SAMD11: variants seen among roughly 807,000 people sequenced by gnomAD.
The protein encoded by SAMD11 is sterile alpha motif domain-containing protein 11.
SAMD11 carries 77 observed loss-of-function variants against 64.4 expected under a neutral mutation model. The observed-to-expected ratio is 1.20, with a 90% CI of 0.99 to 1.44. SAMD11 has a LOEUF of 1.44. Among genes scored for constraint, SAMD11 ranks in the 40% most tolerant of loss-of-function variants. SAMD11 has a pLI of 0.00. For missense variants in SAMD11, 1,402 were observed against 943.3 expected (o/e 1.49, Z -6.37); for synonymous variants, 658 against 421.9 (o/e 1.56, Z -6.86).
At chr1:931,224 C>G in intron 4 of SAMD11, 135 bp downstream of exon 4, 1 of 856,464 alleles carries the variant, frequency 1.2e-6, no homozygotes, top group Non-Finnish European at 1.9e-6. Flanking sequence ...GAGTGTCTGC[C>G]AGGTTTGACA....
Position 944,505 on chromosome 1 carries a change from C to T in SAMD11, c.*352C>T, listed in dbSNP as rs536992898. The T allele has an allele frequency of 2.7e-5, 17 of 639,486 alleles. No individual in the cohort carries two copies. The highest frequency in any genetic ancestry group is 2.1e-4 in the East Asian group (7 of 33,152). The allele number at this position is 639,486 out of a possible 1,614,324, so 39.6% of individuals were successfully genotyped here. A position where few individuals can be genotyped will look rare whatever the true frequency, so the allele number is the denominator to read the frequency against. On this transcript the variant is annotated 3_prime_UTR_variant, in exon 14 of 14. Transcript: ENST00000616016. Reference sequence around the variant, plus strand: ...CACAGCTGTGGGGCTTCAGCAGCCACACCAGCCCAGCCCAGCCCAGCTCTC... The same window carrying T: ...CACAGCTGTGGGGCTTCAGCAGCCATACCAGCCCAGCCCAGCCCAGCTCTC...
At chr1:939,230 C>T (rs755323494) in intron 6 of SAMD11, 45 bp from the exon 7 acceptor site, 54 of 1,557,946 alleles carry the variant, frequency 3.5e-5, no homozygotes, top group South Asian at 2.5e-4. Context: ...GCGTGGTCCT[C>T]GGCAGTGCCT....
chr1:941,311 T>G lies in SAMD11; in HGVS notation c.1358+5T>G. The G allele has an allele frequency of 6.4e-7, 1 of 1,556,506 alleles. No homozygotes were observed. Among genetic ancestry groups the G allele is most frequent in the Non-Finnish European group, 8.7e-7 (1 of 1,151,578 alleles). The stretch of plus-strand genomic sequence containing the variant: ...CGCCCCGTCCTTCTCGGAGAGGTAC[T>G]GGGGTGGCTGCCGTTCTCTGCTTGT... On this transcript the variant is annotated splice_donor_5th_base_variant and intron_variant, in intron 8 of 13. Coordinates refer to ENST00000616016, the MANE Select transcript of SAMD11 (RefSeq NM_001385641.1).
At position 943,268 on chromosome 1, in the gene SAMD11, T is replaced by C. The variant is rs1016563542; in HGVS notation, c.2069T>C (p.Leu690Pro). 6.2e-7 allele frequency: 1 copy of C among 1,612,632 alleles called. No individual in the cohort carries two copies. The highest frequency in any genetic ancestry group is 1.7e-5 in the Admixed American group (1 of 59,958). Reference protein sequence around the residue: ...PYFHTGAVGGLSMDGEEAPAP... With the variant: ...PYFHTGAVGGPSMDGEEAPAP... ...CACAACTCAGGCGCGGTAGGGGGACTCTCCATGGATGGGGAGGAGGCCCCA... is the reference window on the plus strand; with the variant it reads ...CACAACTCAGGCGCGGTAGGGGGACCCTCCATGGATGGGGAGGAGGCCCCA... The change falls in exon 12 of 14, where the codon CTC (leucine) becomes CCC (proline). Residue 690 changes from leucine (L) to proline (P), a missense_variant. Physicochemically the swap from Leu to Pro is moderately conservative, Grantham distance 98. Coordinates refer to ENST00000616016, the MANE Select transcript of SAMD11 (RefSeq NM_001385641.1).
At chr1:930,407 T>C (rs1302403867) in intron 3 of SAMD11, 71 bp downstream of exon 3, 4 of 1,472,236 alleles carry the variant, frequency 2.7e-6, no homozygotes, top group Non-Finnish European at 3.7e-6. Context: ...CTTCAGCTGC[T>C]CAGATGAGAG....
rs79037098 is a variant in SAMD11, at chr1:942,402, C to G, written c.1475-8C>G. 0.01 allele frequency: 14,994 copies of G among 1,463,110 alleles called. 738 individuals carry two copies. In the East Asian group the frequency reaches 0.14, roughly 13 times the overall value. The allele number at this position is 1,463,110 out of a possible 1,614,324, so 90.6% of individuals were successfully genotyped here. A position where few individuals can be genotyped will look rare whatever the true frequency, so the allele number is the denominator to read the frequency against. On this transcript the variant is annotated splice_region_variant and splice_polypyrimidine_tract_variant and intron_variant, in intron 9 of 13. Transcript: ENST00000616016. ...CCCCCGACCCCGCGTTGTCCCCCTC[C>G]CCACCAGGCTACGGCTTCCTGCCCC...
intron 11 of SAMD11, 92 bp from the exon 12 acceptor site, chr1:943,161 C>T: frequency 6.3e-7 from 1 of 1,595,066 alleles, no homozygotes; most frequent in Non-Finnish European, 8.5e-7. Context: ...GGCACCCATC[C>T]CCCACCTCAG....
intron 2 of SAMD11, among the ~76,000 whole-genome samples, chr1:928,446 C>T (rs536057841): frequency 6.6e-6 from 1 of 152,356 alleles, no homozygotes; most frequent in South Asian, 2.1e-4. Context: ...AGCCTCTAAG[C>T]CCTGGTGCTT....
rs764919543 is a variant in SAMD11 at position 930,175 on chromosome 1, CAA to C, written c.631_632del (p.Lys211GlufsTer25). ...SPVNRGRLAD[K>X]RTVALPAARN... ...ACCAGAACCGGGGGCGGCTGGCAGA[CAA>C]GAGGACAGTCGCCCTGCCTGCCGCC... On this transcript the variant is annotated frameshift_variant, in exon 3 of 14. Transcript: ENST00000616016. LOFTEE classifies it high-confidence loss of function. 5.1e-6 allele frequency: 8 copies of C among 1,559,022 alleles called. No homozygotes were observed. Among genetic ancestry groups the C allele is most frequent in the East Asian group, 4.8e-5 (2 of 41,828 alleles).
chr1:939,303 G>A lies in SAMD11; in HGVS notation c.1086G>A (p.Gly362=), dbSNP rs746152397. Residue 362 remains glycine (G), a synonymous_variant, in exon 7 of 14, where the codon GGG becomes GGA. Transcript: ENST00000616016. ...CGCTGCTGCTGCCGCGGGAGCTGGG[G>A]CCCAGCATGGCCCCGGAGGACCATT... ...QEALLLPREL[G]PSMAPEDHYR... The A allele has an allele frequency of 1.9e-5, 31 of 1,609,852 alleles. No individual in the cohort carries two copies. The African/African-American group carries it at 3.6e-4, about 19-fold the overall frequency.
rs536544826 is a variant in SAMD11, at chr1:939,711, G to GA, written c.1195+299_1195+300insA. 3.5e-3 allele frequency among the ~76,000 whole-genome samples: 539 copies of GA among 152,288 alleles called. 3 individuals carry two copies. The highest frequency in any genetic ancestry group is 5.3e-3 in the Admixed American group (81 of 15,304). On this transcript the variant is annotated intron_variant, in intron 7 of 13. Coordinates refer to ENST00000616016, the MANE Select transcript of SAMD11 (RefSeq NM_001385641.1). ...GTGGACCCAGGTGAGGGTGGGCAGT[G>GA]GGCATGTCAGCAGCACCCCCCGAGG...
At chr1:932,662 G>A (rs995309279) in intron 4 of SAMD11, among the ~76,000 whole-genome samples, 1 of 152,218 alleles carries the variant, frequency 6.6e-6, no homozygotes, top group Non-Finnish European at 1.5e-5. Context: ...GGCTCCCACA[G>A]AACACACTGC....
rs1641819087 is a variant in SAMD11, at chr1:942,232, G to A, written c.1455G>A (p.Ser485=). 2.2e-6 allele frequency: 3 copies of A among 1,339,766 alleles called. No homozygotes were observed. In the South Asian group the frequency reaches 5.5e-5, roughly 24 times the overall value. 83.0% of individuals were successfully genotyped at this position (1,339,766 alleles called of 1,614,324 possible). A position where few individuals can be genotyped will look rare whatever the true frequency, so the allele number is the denominator to read the frequency against. The change falls in exon 9 of 14, where the codon TCG becomes TCA. Residue 485 remains serine, a synonymous_variant. Transcript: ENST00000616016. ...HLRPPFLGVP[S]ALCQTPGYGF... is the part of the protein sequence containing the mutation. ...GGCCCCCCTTCCTGGGGGTGCCCTC[G>A]GCTCTGTGCCAGACCCCAGGTGAGG...
intron 5 of SAMD11, among the ~76,000 whole-genome samples, chr1:936,660 A>G (rs1415021158): frequency 6.6e-6 from 1 of 151,578 alleles, no homozygotes; most frequent in Non-Finnish European, 1.5e-5. Context: ...TGTTCCCAGC[A>G]GGGCCTGCAT....
In SAMD11 at chr1:944,359, C is replaced by A; in HGVS notation, c.*206C>A. 7.3e-7 allele frequency: 1 copy of A among 1,363,350 alleles called. No homozygotes were observed. Among genetic ancestry groups the A allele is most frequent in the Non-Finnish European group, 9.4e-7 (1 of 1,064,956 alleles). 84.5% of individuals were successfully genotyped at this position (1,363,350 alleles called of 1,614,324 possible). A position where few individuals can be genotyped will look rare whatever the true frequency, so the allele number is the denominator to read the frequency against. ...GCCTGGTGCAGATGGACGAGGTCTG[C>A]AGACGGAGGGCAGAGGTGGTGGAAG... On this transcript the variant is annotated 3_prime_UTR_variant, in exon 14 of 14. Transcript: ENST00000616016.
chr1:929,112 TG>T (rs1274216613), intron 2 of SAMD11, among the ~76,000 whole-genome samples: 2 of 152,176 alleles, frequency 1.3e-5, no homozygotes, highest in African/African-American at 2.4e-5. Context: ...CCTTTATCCC[TG>T]GGGGTGGCAG....
rs1432810562 is a variant in SAMD11 at position 931,637 on chromosome 1, C to T, written c.842+548C>T. ...GAGTCATGGATGCTGGGCCTGTGGG[C>T]ACCGTCCTCCAGGCGGGAGCCACCG... is the stretch of plus-strand genomic sequence containing the variant. On this transcript the variant is annotated intron_variant, in intron 4 of 13. Transcript: ENST00000616016. Among the ~76,000 whole-genome samples the T allele has an allele frequency of 2.0e-5, 3 of 152,298 alleles. No individual in the cohort carries two copies. In the South Asian group the frequency reaches 6.2e-4, roughly 32 times the overall value.
rs1249636963 is a variant in SAMD11, at chr1:944,243, G to A, written c.*90G>A. On this transcript the variant is annotated 3_prime_UTR_variant, in exon 14 of 14. Transcript: ENST00000616016. Reference sequence around the variant, plus strand: ...TGCCTCCCACCGCTTTATTTCTTTCGGTTTCGGATGCAAAACAAAAAATTT... The same window carrying A: ...TGCCTCCCACCGCTTTATTTCTTTCAGTTTCGGATGCAAAACAAAAAATTT... The A allele has an allele frequency of 4.1e-6, 6 of 1,448,454 alleles. No homozygotes were observed. The highest frequency in any genetic ancestry group is 2.7e-5 in the Admixed American group (1 of 37,648). 89.7% of individuals were successfully genotyped at this position (1,448,454 alleles called of 1,614,324 possible).
chr1:926,608 C>T (rs1014495294), intron 2 of SAMD11, among the ~76,000 whole-genome samples: 10 of 152,148 alleles, frequency 6.6e-5, no homozygotes, highest in Admixed American at 2.6e-4. Context: ...TGGTTCAAGG[C>T]CCCAACCCAG....
Sources: allele counts gnomAD v4.1 joint callset (sites outside exome capture counted in the v4.1 genomes callset), GRCh38; gene constraint gnomAD v4.1.1; transcripts MANE v1.5; gene names NCBI Gene and HGNC (gene_info 2026-07-23, HGNC 2026-07-21).